RASA3: variants seen among roughly 807,000 people sequenced by gnomAD.
RASA3 encodes RAS p21 protein activator 3, also known as ras GTPase-activating protein 3.
In RASA3, 73 loss-of-function variants were observed where a neutral mutation model predicts 110.0. The observed-to-expected ratio is 0.66, with a 90% CI of 0.55 to 0.81. The LOEUF (loss-of-function observed/expected upper bound fraction) is 0.81. Ranked by LOEUF, RASA3 falls within the 30% of genes least tolerant of loss-of-function variation. RASA3 has a pLI of 0.00. For synonymous variants in RASA3, 500 were observed against 451.4 expected, an observed-to-expected ratio of 1.11 and a Z score of -1.37; for missense variants, 976 against 1,113.2, an observed-to-expected ratio of 0.88 and a Z score of 1.75.
intron 4 of RASA3, among the ~76,000 whole-genome samples, chr13:114,040,175 A>G (rs1556125): frequency 0.71 from 107,511 of 151,980 alleles, 38,866 homozygotes; most frequent in African/African-American, 0.87. Context: ...AAATCCATGC[A>G]CGGAGCCCAG....
At chr13:114,001,564 C>CA in intron 18 of RASA3, among the ~76,000 whole-genome samples, 1 of 133,660 alleles carries the variant, frequency 7.5e-6, no homozygotes, top group Non-Finnish European at 1.7e-5. Flanking sequence ...AGGGTCAGGG[C>CA]GGACAGTGGA....
chr13:114,047,957 A>T (rs1177072754), intron 3 of RASA3, among the ~76,000 whole-genome samples: 1 of 152,222 alleles, frequency 6.6e-6, no homozygotes, highest in East Asian at 1.9e-4. Context: ...TACACTGGTG[A>T]AGGCTACACC....
At position 114,093,611 on chromosome 13, in the gene RASA3, AG is replaced by A. The variant is rs374469880; in HGVS notation, c.56-19775del. ...ATTTCTATCTTTCTCCAGGTTGGAAAGTTTGCTGTTACTTATTTGAATAGGT... is the reference window on the plus strand; with the variant it reads ...ATTTCTATCTTTCTCCAGGTTGGAAATTTGCTGTTACTTATTTGAATAGGT... On this transcript the variant is annotated intron_variant, in intron 1 of 23. Transcript: ENST00000334062. Among the ~76,000 whole-genome samples the A allele has an allele frequency of 2.1e-3, 317 of 152,260 alleles. 1 individual carries two copies. The Middle Eastern group carries it at 0.044, about 21-fold the overall frequency.
At chr13:114,099,611 G>GCC (rs1472186084) in intron 1 of RASA3, among the ~76,000 whole-genome samples, 1 of 114,656 alleles carries the variant, frequency 8.7e-6, no homozygotes, top group Non-Finnish European at 1.9e-5. Context: ...CTGAGATGCA[G>GCC]CCCCCACAGC....
At position 114,125,207 on chromosome 13, in the gene RASA3, C is replaced by T. The variant is rs115560495; in HGVS notation, c.55+7228G>A. Among the ~76,000 whole-genome samples the T allele has an allele frequency of 3.5e-3, 534 of 152,298 alleles. 2 individuals carry two copies. Among genetic ancestry groups the T allele is most frequent in the African/African-American group, 0.012 (491 of 41,562 alleles). On this transcript the variant is annotated intron_variant, in intron 1 of 23. Coordinates refer to ENST00000334062, the MANE Select transcript of RASA3 (RefSeq NM_007368.4). ...ACAGAGCAGCCCACATGTGGATGCACATGACATAATCACCGTTTCAGTTGG... is the reference window on the plus strand; with the variant it reads ...ACAGAGCAGCCCACATGTGGATGCATATGACATAATCACCGTTTCAGTTGG...
chr13:114,062,558 G>A (rs1042556539), intron 2 of RASA3, among the ~76,000 whole-genome samples: 4 of 133,012 alleles, frequency 3.0e-5, no homozygotes, highest in Non-Finnish European at 6.3e-5. Flanking sequence ...GCCCACGTCC[G>A]CACGCAGACT....
At chr13:114,069,478 G>A (rs1354232175) in intron 2 of RASA3, among the ~76,000 whole-genome samples, 9 of 77,616 alleles carry the variant, frequency 1.2e-4, no homozygotes, top group South Asian at 7.0e-4. Flanking sequence ...AGACTCGGGG[G>A]CCGGGAGACT....
At chr13:113,990,040 A>G (rs1435406317) in intron 22 of RASA3, among the ~76,000 whole-genome samples, 1 of 151,990 alleles carries the variant, frequency 6.6e-6, no homozygotes, top group Non-Finnish European at 1.5e-5. Context: ...AGTTCTCACG[A>G]GGTCTGGTTG....
intron 4 of RASA3, among the ~76,000 whole-genome samples, chr13:114,032,000 A>G (rs911138896): frequency 2.6e-5 from 4 of 152,224 alleles, no homozygotes; most frequent in African/African-American, 7.2e-5. Context: ...CTTCAAAAAT[A>G]TATCAGACAC....
intron 3 of RASA3, 139 bp from the exon 4 acceptor site, chr13:114,041,233 C>T (rs2054399359): frequency 2.7e-6 from 2 of 747,384 alleles, no homozygotes; most frequent in Non-Finnish European, 4.4e-6. Flanking sequence ...GGGTGCGGGG[C>T]TCATGCCTGG....
chr13:114,103,184 G>C (rs2080081858), intron 1 of RASA3, among the ~76,000 whole-genome samples: 1 of 152,130 alleles, frequency 6.6e-6, no homozygotes, highest in Non-Finnish European at 1.5e-5. Context: ...GAGACCTAGA[G>C]GGTCTCCCCC....
Position 114,027,380 on chromosome 13 carries a change from G to A in RASA3, c.603+9C>T, listed in dbSNP as rs1190476927. 1.2e-6 allele frequency: 2 copies of A among 1,601,602 alleles called. No homozygotes were observed. Among genetic ancestry groups the A allele is most frequent in the East Asian group, 2.2e-5 (1 of 44,816 alleles). ...TTTCCACTTAACGTTGACCCATGAA[G>A]ATACCAACCTCAAAATAAAACACTT... On this transcript the variant is annotated intron_variant, in intron 7 of 23. Coordinates refer to ENST00000334062, the MANE Select transcript of RASA3 (RefSeq NM_007368.4).
intron 1 of RASA3, among the ~76,000 whole-genome samples, chr13:114,123,447 G>A (rs1566590064): frequency 1.3e-5 from 2 of 152,222 alleles, no homozygotes; most frequent in South Asian, 4.1e-4. Flanking sequence ...TCAAAGCAGG[G>A]AAAAGGCCAG....
chr13:114,025,953 G>A (rs142629077), intron 7 of RASA3, among the ~76,000 whole-genome samples: 113 of 152,310 alleles, frequency 7.4e-4, no homozygotes, highest in Non-Finnish European at 1.1e-3. Flanking sequence ...GGGAGGAGAC[G>A]GAGTGAAAGG....
At chr13:114,113,955 G>A (rs1344711178) in intron 1 of RASA3, among the ~76,000 whole-genome samples, 4 of 53,606 alleles carry the variant, frequency 7.5e-5, no homozygotes, top group East Asian at 5.6e-4. Context: ...CTCACACCGC[G>A]TCCATCAGTC....
intron 1 of RASA3, among the ~76,000 whole-genome samples, chr13:114,078,276 C>G (rs2079726096): frequency 6.6e-6 from 1 of 152,266 alleles, no homozygotes; most frequent in Non-Finnish European, 1.5e-5. Context: ...ATTCAGTTAC[C>G]TTCACCAAAG....
At chr13:114,070,098 G>T (rs9590547) in intron 2 of RASA3, among the ~76,000 whole-genome samples, 1 of 84,536 alleles carries the variant, frequency 1.2e-5, no homozygotes, top group African/African-American at 5.5e-5. Flanking sequence ...TGGGGGGACC[G>T]GGAAACTGGG....
intron 23 of RASA3, 146 bp downstream of exon 23, chr13:113,981,529 C>G: frequency 1.1e-6 from 1 of 890,346 alleles, no homozygotes; most frequent in Non-Finnish European, 1.8e-6. Flanking sequence ...CCGCCAGGTG[C>G]CAGCCCGGTG....
chr13:114,019,745 G>GC (rs1305615250), intron 9 of RASA3, among the ~76,000 whole-genome samples: 1 of 139,020 alleles, frequency 7.2e-6, no homozygotes. Flanking sequence ...AGACATTGGC[G>GC]CCCCCGTCAG....
Sources: gnomAD v4.1 joint callset for allele counts (sites outside exome capture counted in the v4.1 genomes callset) on GRCh38, gnomAD v4.1.1 for gene constraint, MANE v1.5 for transcripts, NCBI Gene and HGNC (gene_info 2026-07-23, HGNC 2026-07-21) for gene names.